Variants in TTC17 observed in about 807,000 individuals in gnomAD.
TTC17 encodes tetratricopeptide repeat protein 17.
Under a neutral mutation model 143.8 loss-of-function variants are expected in TTC17, and 58 were observed. That is an observed-to-expected ratio of 0.40 (90% CI 0.33 to 0.50). The LOEUF is 0.50. TTC17 is among the 20% of genes least tolerant of loss of function. TTC17 has a pLI of 0.49. For missense variants in TTC17, 1,273 were observed against 1,392.5 expected, an observed-to-expected ratio of 0.91 and a Z score of 1.37; for synonymous variants, 501 against 497.8, an observed-to-expected ratio of 1.01 and a Z score of -0.09.
At chr11:43,402,637 C>G (rs1358100306) in intron 10 of TTC17, among the ~76,000 whole-genome samples, 1 of 151,888 alleles carries the variant, frequency 6.6e-6, no homozygotes, top group Non-Finnish European at 1.5e-5. Flanking sequence ...AAGAAATGAT[C>G]ATTGGAGCAT....
At position 43,397,901 on chromosome 11, in the gene TTC17, CGTGTGTGTGTGTGTGT is replaced by C. The variant is rs368934799; in HGVS notation, c.919-38_919-23del. Reference sequence around the variant, plus strand: ...AGGCCGTGGCTAACATTTTTTTTTCCGTGTGTGTGTGTGTGTGTGTGTGTGTGTGTGTGTGTGTGTG... The same window carrying C: ...AGGCCGTGGCTAACATTTTTTTTTCCGTGTGTGTGTGTGTGTGTGTGTGTG... On this transcript the variant is annotated intron_variant, in intron 7 of 23. Coordinates refer to ENST00000039989, the MANE Select transcript of TTC17 (RefSeq NM_018259.6). 0.016 allele frequency: 20,188 copies of C among 1,253,640 alleles called. 1,730 individuals carry two copies. The African/African-American group carries it at 0.27, about 17-fold the overall frequency. 77.7% of individuals were successfully genotyped at this position (1,253,640 alleles called of 1,614,324 possible). A position where few individuals can be genotyped will look rare whatever the true frequency, so the allele number is the denominator to read the frequency against.
intron 16 of TTC17, among the ~76,000 whole-genome samples, chr11:43,424,544 C>T (rs971956777): frequency 6.6e-5 from 10 of 151,988 alleles, no homozygotes; most frequent in South Asian, 2.1e-4. Context: ...CCGAGGCAGG[C>T]GGATCCCCTG....
At chr11:43,380,749 TTAG>T (rs1856937082) in intron 2 of TTC17, among the ~76,000 whole-genome samples, 1 of 152,256 alleles carries the variant, frequency 6.6e-6, no homozygotes, top group South Asian at 2.1e-4. Flanking sequence ...CTCTGCCTAA[TTAG>T]TAGTATATTT....
intron 21 of TTC17, among the ~76,000 whole-genome samples, chr11:43,465,771 A>G (rs1479405898): frequency 6.6e-6 from 1 of 152,226 alleles, no homozygotes; most frequent in African/African-American, 2.4e-5. Context: ...ACCTTATATC[A>G]TAGGCAAAAG....
chr11:43,452,521 ATGAATGAATGAG>A (rs887663567), intron 21 of TTC17, among the ~76,000 whole-genome samples: 3 of 151,502 alleles, frequency 2.0e-5, no homozygotes, highest in Admixed American at 2.0e-4. Context: ...GAATGAATGA[ATGAATGAATGAG>A]TGAATGAATG....
intron 16 of TTC17, among the ~76,000 whole-genome samples, chr11:43,417,974 A>T (rs370543292): frequency 6.6e-6 from 1 of 152,256 alleles, no homozygotes; most frequent in Non-Finnish European, 1.5e-5. Flanking sequence ...GTTATTTTTC[A>T]TATATAATCA....
chr11:43,405,278 T>C (rs562923932), intron 11 of TTC17, among the ~76,000 whole-genome samples: 1 of 152,208 alleles, frequency 6.6e-6, no homozygotes, highest in East Asian at 1.9e-4. Context: ...TCTTCTTGTG[T>C]CTCACTGGCT....
chr11:43,377,990 A>G (rs111336469), intron 1 of TTC17, among the ~76,000 whole-genome samples: 34,359 of 151,758 alleles, frequency 0.23, 5,757 homozygotes, highest in African/African-American at 0.46. Flanking sequence ...TGTAGCCTCT[A>G]CCTCCCGGGT....
chr11:43,437,050 G>A (rs1337780319), intron 16 of TTC17, among the ~76,000 whole-genome samples: 1 of 151,574 alleles, frequency 6.6e-6, no homozygotes, highest in Non-Finnish European at 1.5e-5. Context: ...CTACACCAAT[G>A]TCTCCAGACC....
intron 8 of TTC17, among the ~76,000 whole-genome samples, chr11:43,399,350 G>A (rs1040506064): frequency 3.9e-5 from 6 of 152,126 alleles, no homozygotes; most frequent in African/African-American, 7.2e-5. Flanking sequence ...CCTGAAAAAT[G>A]CAATATACCA....
chr11:43,486,156 G>T (rs1195720709), intron 21 of TTC17, among the ~76,000 whole-genome samples: 11 of 123,306 alleles, frequency 8.9e-5, no homozygotes, highest in African/African-American at 2.7e-4. Context: ...ATACGCCATA[G>T]TCCCCCCCTT....
chr11:43,387,250 T>C (rs1857203959), intron 2 of TTC17, among the ~76,000 whole-genome samples: 1 of 152,212 alleles, frequency 6.6e-6, no homozygotes, highest in African/African-American at 2.4e-5. Flanking sequence ...TTAGTCAGCT[T>C]TTGCATTGGC....
At chr11:43,446,326 C>A in intron 18 of TTC17, 1 of 369,504 alleles carries the variant, frequency 2.7e-6, no homozygotes, top group Non-Finnish European at 4.1e-6. Flanking sequence ...ACTCTTTCCT[C>A]TGTGCAATTG....
At chr11:43,461,466 C>T (rs1191177756) in intron 21 of TTC17, among the ~76,000 whole-genome samples, 1 of 150,656 alleles carries the variant, frequency 6.6e-6, no homozygotes, top group African/African-American at 2.4e-5. Context: ...AAGAAAACTG[C>T]AGGCTTAGAA....
chr11:43,408,966 C>A (rs898957512), intron 15 of TTC17, among the ~76,000 whole-genome samples: 1 of 152,044 alleles, frequency 6.6e-6, no homozygotes, highest in African/African-American at 2.4e-5. Flanking sequence ...TGGTCTTGAA[C>A]ACCCGAGCTC....
intron 21 of TTC17, among the ~76,000 whole-genome samples, chr11:43,489,556 G>A (rs1289417292): frequency 6.6e-6 from 1 of 152,084 alleles, no homozygotes; most frequent in Admixed American, 6.5e-5. Flanking sequence ...TGGCCAACAT[G>A]GTGAAACTCT....
chr11:43,453,388 GAGAA>G (rs1374037522), intron 21 of TTC17, among the ~76,000 whole-genome samples: 2 of 151,826 alleles, frequency 1.3e-5, no homozygotes, highest in Non-Finnish European at 2.9e-5. Context: ...AAAAAAAAGA[GAGAA>G]AGAAAGAAAA....
At chr11:43,376,889 C>T (rs1324275042) in intron 1 of TTC17, among the ~76,000 whole-genome samples, 1 of 152,188 alleles carries the variant, frequency 6.6e-6, no homozygotes, top group African/African-American at 2.4e-5. Context: ...CTAGACTGTA[C>T]AGCCTACTAC....
At chr11:43,369,928 A>T (rs530064898) in intron 1 of TTC17, among the ~76,000 whole-genome samples, 2 of 152,296 alleles carry the variant, frequency 1.3e-5, no homozygotes, top group Non-Finnish European at 2.9e-5. Context: ...TGATTTTTCA[A>T]AAATACTGTA....
Sources: allele counts gnomAD v4.1 joint callset (sites outside exome capture counted in the v4.1 genomes callset), GRCh38; gene constraint gnomAD v4.1.1; transcripts MANE v1.5; gene names NCBI Gene and HGNC (gene_info 2026-07-23, HGNC 2026-07-21).